SLC39A11: variants seen among roughly 807,000 people sequenced by gnomAD.
SLC39A11 encodes the protein solute carrier family 39 member 11, also known as zinc transporter ZIP11.
SLC39A11 carries 33 observed loss-of-function variants against 36.1 expected under a neutral mutation model. The ratio of observed to expected loss-of-function variants is 0.91; its 90% CI spans 0.69 to 1.22. The LOEUF (loss-of-function observed/expected upper bound fraction) is 1.22. Ranked by LOEUF, SLC39A11 falls within the 50% of genes most tolerant of loss-of-function variation. SLC39A11 has a pLI of 0.00. For missense variants in SLC39A11, 432 were observed against 430.3 expected, an observed-to-expected ratio of 1.00 and a Z score of -0.03; for synonymous variants, 166 against 170.3, an observed-to-expected ratio of 0.97 and a Z score of 0.20.
intron 5 of SLC39A11, 148 bp downstream of exon 5, chr17:72,947,604 T>A (rs1485154129): frequency 1.7e-6 from 2 of 1,158,348 alleles, no homozygotes; most frequent in Non-Finnish European, 2.5e-6. Context: ...TTTAGCTCCA[T>A]GCAGTAGTAG....
At chr17:72,857,108 A>G (rs530311589) in intron 5 of SLC39A11, among the ~76,000 whole-genome samples, 114 of 152,204 alleles carry the variant, frequency 7.5e-4, no homozygotes, top group Non-Finnish European at 9.7e-4. Context: ...CCCAATAGTT[A>G]CTTTTTCTGA....
intron 5 of SLC39A11, among the ~76,000 whole-genome samples, chr17:72,859,013 C>T (rs919918413): frequency 6.6e-6 from 1 of 152,154 alleles, no homozygotes; most frequent in Non-Finnish European, 1.5e-5. Context: ...ATTGCTTAGG[C>T]CAGGACTTCC....
intron 4 of SLC39A11, among the ~76,000 whole-genome samples, chr17:72,950,912 A>G (rs1426002879): frequency 6.6e-6 from 1 of 152,136 alleles, no homozygotes; most frequent in Non-Finnish European, 1.5e-5. Flanking sequence ...TCTAGTGGGT[A>G]GAGACCACGG....
chr17:72,681,504 C>T (rs79677394), intron 7 of SLC39A11, among the ~76,000 whole-genome samples: 5,826 of 152,198 alleles, frequency 0.038, 364 homozygotes, highest in African/African-American at 0.13. Flanking sequence ...AGAGAAGTCA[C>T]GAATTGCATT....
intron 7 of SLC39A11, among the ~76,000 whole-genome samples, chr17:72,662,902 A>T (rs532456573): frequency 6.6e-6 from 1 of 152,360 alleles, no homozygotes; most frequent in South Asian, 2.1e-4. Context: ...TAATAGTCAT[A>T]AACTGGAAAC....
At chr17:72,902,045 G>A (rs762814945) in intron 5 of SLC39A11, among the ~76,000 whole-genome samples, 2 of 152,150 alleles carry the variant, frequency 1.3e-5, no homozygotes, top group Non-Finnish European at 2.9e-5. Context: ...GCCGAGGCGG[G>A]TGGATTACCT....
chr17:72,945,520 G>A (rs2085380047), intron 5 of SLC39A11, among the ~76,000 whole-genome samples: 1 of 152,200 alleles, frequency 6.6e-6, no homozygotes, highest in Admixed American at 6.5e-5. Flanking sequence ...GAGTCCTCAG[G>A]TGCCTGACAC....
At chr17:72,670,582 T>C (rs1025398354) in intron 7 of SLC39A11, among the ~76,000 whole-genome samples, 10 of 152,230 alleles carry the variant, frequency 6.6e-5, no homozygotes, top group Admixed American at 5.9e-4. Context: ...TATTCAATTA[T>C]TTATTTGTAG....
chr17:72,783,312 C>T (rs1051117102), intron 6 of SLC39A11, among the ~76,000 whole-genome samples: 3 of 152,172 alleles, frequency 2.0e-5, no homozygotes, highest in African/African-American at 7.2e-5. Flanking sequence ...GTTATAGAAG[C>T]TGTAACAGAC....
intron 5 of SLC39A11, among the ~76,000 whole-genome samples, chr17:72,900,217 G>GAAGGAAAA (rs1375538447): frequency 0.014 from 1,472 of 107,396 alleles, 143 homozygotes; most frequent in East Asian, 0.058. Flanking sequence ...AAGAAAGAAA[G>GAAGGAAAA]AAAGAAAGAA....
chr17:72,936,105 C>T (rs1239288427), intron 5 of SLC39A11, among the ~76,000 whole-genome samples: 1 of 151,914 alleles, frequency 6.6e-6, no homozygotes, highest in African/African-American at 2.4e-5. Context: ...AACTGAGGCA[C>T]GGAAATCATT....
At chr17:73,080,682 C>T (rs1446737932) in intron 3 of SLC39A11, among the ~76,000 whole-genome samples, 2 of 152,148 alleles carry the variant, frequency 1.3e-5, no homozygotes, top group African/African-American at 4.8e-5. Flanking sequence ...CAGTGGCTCA[C>T]ACCTGTGGTC....
intron 3 of SLC39A11, among the ~76,000 whole-genome samples, chr17:73,037,660 G>A (rs980842344): frequency 3.3e-5 from 5 of 152,234 alleles, no homozygotes; most frequent in Admixed American, 1.3e-4. Flanking sequence ...AGGAGCTGAT[G>A]GTTGGCATCT....
At chr17:73,011,234 A>G (rs1271533366) in intron 4 of SLC39A11, among the ~76,000 whole-genome samples, 5 of 152,200 alleles carry the variant, frequency 3.3e-5, no homozygotes, top group African/African-American at 1.2e-4. Context: ...CTGGCAAAAC[A>G]CCGCAGAGGC....
chr17:73,031,524 G>C (rs531954194), intron 4 of SLC39A11, 32 bp downstream of exon 4: 1 of 1,612,304 alleles, frequency 6.2e-7, no homozygotes, highest in African/African-American at 1.3e-5. Context: ...GTTGTATCCC[G>C]ATACGACAGC....
chr17:72,869,889 A>G (rs1232169350), intron 5 of SLC39A11, among the ~76,000 whole-genome samples: 1 of 152,136 alleles, frequency 6.6e-6, no homozygotes, highest in Admixed American at 6.5e-5. Context: ...ATTTCTTCCC[A>G]CAAATAACTG....
chr17:72,975,523 A>G (rs2087779750), intron 4 of SLC39A11, among the ~76,000 whole-genome samples: 1 of 152,260 alleles, frequency 6.6e-6, no homozygotes, highest in South Asian at 2.1e-4. Flanking sequence ...GTAAGGACAC[A>G]GTGAGAAGGT....
chr17:72,793,177 G>A (rs1271830729), intron 6 of SLC39A11, among the ~76,000 whole-genome samples: 2 of 152,170 alleles, frequency 1.3e-5, no homozygotes, highest in Non-Finnish European at 1.5e-5. Flanking sequence ...GGAAAAGCTA[G>A]AATGAGGATG....
intron 5 of SLC39A11, among the ~76,000 whole-genome samples, chr17:72,928,077 T>C (rs2084162229): frequency 6.6e-6 from 1 of 152,196 alleles, no homozygotes; most frequent in Admixed American, 6.5e-5. Context: ...AAGAGGAGGA[T>C]CCCAGGCCTA....
Sources: gnomAD v4.1 joint callset for allele counts (sites outside exome capture counted in the v4.1 genomes callset) on GRCh38, gnomAD v4.1.1 for gene constraint, MANE v1.5 for transcripts, NCBI Gene and HGNC (gene_info 2026-07-23, HGNC 2026-07-21) for gene names.